SBF2: variants seen among roughly 807,000 people sequenced by gnomAD.
The protein encoded by SBF2 is SET binding factor 2.
A neutral mutation model predicts 225.2 loss-of-function variants in SBF2; 112 were observed. That is an observed-to-expected ratio of 0.50 (90% CI 0.43 to 0.58). The LOEUF (loss-of-function observed/expected upper bound fraction) is 0.58, where lower values mean the gene tolerates loss of function less well. Among genes scored for constraint, SBF2 ranks in the 20% least tolerant of loss-of-function variants. SBF2 has a pLI of 0.00. For synonymous variants in SBF2, 763 were observed against 773.3 expected, an observed-to-expected ratio of 0.99 and a Z score of 0.22; for missense variants, 1,996 against 2,206.2, an observed-to-expected ratio of 0.90 and a Z score of 1.91.
chr11:9,874,732 A>G (rs1452300066), intron 17 of SBF2, among the ~76,000 whole-genome samples: 1 of 152,228 alleles, frequency 6.6e-6, no homozygotes, highest in Non-Finnish European at 1.5e-5. Flanking sequence ...AGCAGTAAAT[A>G]TGGGGCTGGG....
At chr11:10,047,608 T>C (rs1044488600) in intron 2 of SBF2, among the ~76,000 whole-genome samples, 3 of 152,162 alleles carry the variant, frequency 2.0e-5, no homozygotes, top group East Asian at 1.9e-4. Context: ...TCTTTGACAT[T>C]TTCCTCTTTT....
chr11:9,839,357 C>A (rs890249833), intron 26 of SBF2, 141 bp downstream of exon 26: 39 of 842,182 alleles, frequency 4.6e-5, no homozygotes, highest in Non-Finnish European at 7.0e-5. Flanking sequence ...CAATGAGATG[C>A]TTGCTCGTAT....
intron 2 of SBF2, among the ~76,000 whole-genome samples, chr11:10,151,162 A>AT (rs1955166258): frequency 6.6e-6 from 1 of 152,234 alleles, no homozygotes; most frequent in Admixed American, 6.5e-5. Flanking sequence ...AACATTTGAA[A>AT]ACATCTATGC....
At chr11:10,300,799 TTCTC>T (rs1292818622) in intron 1 of SBF2, among the ~76,000 whole-genome samples, 24 of 151,152 alleles carry the variant, frequency 1.6e-4, no homozygotes, top group South Asian at 2.1e-4. Flanking sequence ...CTACTTTCTC[TTCTC>T]TCTCTCTCTT....
intron 2 of SBF2, among the ~76,000 whole-genome samples, chr11:10,109,657 A>G (rs1952740923): frequency 1.3e-5 from 2 of 152,196 alleles, no homozygotes; most frequent in South Asian, 4.2e-4. Context: ...TTGCTTCTAC[A>G]TGGACTCAAC....
At chr11:10,063,858 C>CACAGAG (rs373423157) in intron 2 of SBF2, among the ~76,000 whole-genome samples, 39 of 136,238 alleles carry the variant, frequency 2.9e-4, no homozygotes, top group South Asian at 7.2e-4. Flanking sequence ...CACACACACA[C>CACAGAG]AGAGAGAGAG....
intron 1 of SBF2, among the ~76,000 whole-genome samples, chr11:10,260,618 G>C (rs1307933347): frequency 6.6e-6 from 1 of 150,428 alleles, no homozygotes; most frequent in African/African-American, 2.5e-5. Context: ...CAGGAGAATG[G>C]TGTGAACCCA....
At chr11:9,959,705 C>T (rs1050404851) in intron 16 of SBF2, 5 of 707,346 alleles carry the variant, frequency 7.1e-6, no homozygotes, top group Admixed American at 3.5e-5. Flanking sequence ...ATATACATGG[C>T]CTGGACTTTC....
intron 9 of SBF2, 116 bp from the exon 10 acceptor site, chr11:9,994,114 A>T (rs1947561001): frequency 1.2e-6 from 1 of 817,348 alleles, no homozygotes; most frequent in South Asian, 1.5e-5. Context: ...CCATGAATAC[A>T]ATTCAATTAG....
intron 2 of SBF2, among the ~76,000 whole-genome samples, chr11:10,097,342 TA>T (rs1329804398): frequency 3.3e-5 from 5 of 152,340 alleles, no homozygotes; most frequent in African/African-American, 1.2e-4. Context: ...CTTTATAAAT[TA>T]CTGTCTGTAG....
chr11:10,104,058 T>G (rs1202379070), intron 2 of SBF2, among the ~76,000 whole-genome samples: 1 of 150,242 alleles, frequency 6.7e-6, no homozygotes, highest in Non-Finnish European at 1.5e-5. Flanking sequence ...ACTCCATCCA[T>G]CTGGGGCAAA....
chr11:10,148,959 T>A (rs1425484778), intron 2 of SBF2, among the ~76,000 whole-genome samples: 1 of 152,110 alleles, frequency 6.6e-6, no homozygotes, highest in Non-Finnish European at 1.5e-5. Flanking sequence ...TGGCCACATA[T>A]GAAGTTGGTG....
chr11:9,942,692 A>C (rs1361947931), intron 16 of SBF2, among the ~76,000 whole-genome samples: 2 of 152,000 alleles, frequency 1.3e-5, no homozygotes, highest in South Asian at 2.1e-4. Flanking sequence ...TTAGCCAGGC[A>C]TGGTGGCGTG....
chr11:10,010,450 G>A (rs1948398047), intron 6 of SBF2, among the ~76,000 whole-genome samples: 1 of 152,024 alleles, frequency 6.6e-6, no homozygotes, highest in South Asian at 2.1e-4. Context: ...TCAGTTTTTT[G>A]CATATGGCTA....
At chr11:9,827,430 G>A (rs1855135062) in intron 28 of SBF2, among the ~76,000 whole-genome samples, 1 of 151,938 alleles carries the variant, frequency 6.6e-6, no homozygotes, top group South Asian at 2.1e-4. Context: ...TTGGGAGCTT[G>A]AGGCAGGAGG....
chr11:10,148,030 AAC>A (rs1954970217), intron 2 of SBF2, among the ~76,000 whole-genome samples: 1 of 152,202 alleles, frequency 6.6e-6, no homozygotes, highest in Non-Finnish European at 1.5e-5. Context: ...TGGTACCTAA[AAC>A]ACTGTAAATA....
chr11:9,919,863 C>T (rs1863458232), intron 16 of SBF2, among the ~76,000 whole-genome samples: 1 of 152,100 alleles, frequency 6.6e-6, no homozygotes, highest in Non-Finnish European at 1.5e-5. Flanking sequence ...TCTCAAGAAG[C>T]TGAGATTACA....
chr11:9,804,347 G>C (rs557366312), intron 32 of SBF2, among the ~76,000 whole-genome samples: 3 of 152,164 alleles, frequency 2.0e-5, no homozygotes, highest in African/African-American at 7.2e-5. Flanking sequence ...ATTCTTCTCC[G>C]TAGAAACAAG....
At chr11:10,186,295 T>C (rs1411964876) in intron 2 of SBF2, among the ~76,000 whole-genome samples, 1 of 152,110 alleles carries the variant, frequency 6.6e-6, no homozygotes, top group East Asian at 1.9e-4. Context: ...CTCAGTGCTT[T>C]GGGAGGGCGA....
Sources: allele counts gnomAD v4.1 joint callset (sites outside exome capture counted in the v4.1 genomes callset), GRCh38; gene constraint gnomAD v4.1.1; transcripts MANE v1.5; gene names NCBI Gene and HGNC (gene_info 2026-07-23, HGNC 2026-07-21).